COL1A1: variants seen among roughly 807,000 people sequenced by gnomAD.
The protein encoded by COL1A1 is collagen type I alpha 1 chain.
COL1A1 carries 21 observed loss-of-function variants against 195.7 expected under a neutral mutation model. The observed-to-expected ratio is 0.11, with a 90% CI of 0.08 to 0.15. The LOEUF (loss-of-function observed/expected upper bound fraction) is 0.15. Among genes scored for constraint, COL1A1 ranks in the 10% least tolerant of loss-of-function variants. The pLI is 1.00. For synonymous variants in COL1A1, 749 were observed against 747.3 expected (o/e 1.00, Z -0.04); for missense variants, 1,365 against 2,051.0 (o/e 0.67, Z 6.46).
chr17:50,199,348 G>C (rs766753861), intron 4 of COL1A1, 21 bp from the exon 5 acceptor site: 1 of 1,589,342 alleles, frequency 6.3e-7, no homozygotes, highest in Non-Finnish European at 8.6e-7. Context: ...AGAGGGCGGG[G>C]CCGGGGTGAG....
At chr17:50,193,690 C>T (rs1471305779) in intron 25 of COL1A1, 3 of 485,256 alleles carry the variant, frequency 6.2e-6, no homozygotes, top group Non-Finnish European at 1.1e-5. Context: ...ACTATGTTGG[C>T]CCGACTGGTC....
Position 50,197,753 on chromosome 17 carries a change from G to T in COL1A1, c.675C>A (p.Pro225=). The change falls in exon 9 of 51, where the codon CCC becomes CCA. Residue 225 remains proline, a synonymous_variant. Coordinates refer to ENST00000225964, the MANE Select transcript of COL1A1 (RefSeq NM_000088.4). The stretch of plus-strand genomic sequence containing the variant: ...TTACATCATCTCCATTCTTTCCAGG[G>T]GGACCTGGGGGACCTCGGGGACCCA... The part of the protein sequence containing the change: ...GPMGPRGPPG[P]PGKNGDDGEA... 1 of 1,599,484 alleles carries T rather than the reference G, an allele frequency of 6.3e-7. No individual in the cohort carries two copies. Among genetic ancestry groups the T allele is most frequent in the Non-Finnish European group, 8.5e-7 (1 of 1,175,560 alleles).
At chr17:50,196,235 G>A in intron 14 of COL1A1, 36 bp from the exon 15 acceptor site, 1 of 1,613,622 alleles carries the variant, frequency 6.2e-7, no homozygotes, top group Admixed American at 1.7e-5. Context: ...TAAGTCCACT[G>A]AGCACTGGCC....
At position 50,186,017 on chromosome 17, in the gene COL1A1, C is replaced by G; in HGVS notation, c.4009G>C (p.Glu1337Gln). 6.2e-7 allele frequency: 1 copy of G among 1,613,010 alleles called. No individual in the cohort carries two copies. Among genetic ancestry groups the G allele is most frequent in the South Asian group, 1.1e-5 (1 of 91,058 alleles). The part of the protein sequence containing the change: ...GESMTDGFQF[E>Q]YGGQGSDPAD... ...GGGTCGGAGCCCTGGCCGCCATACT[C>G]GAACTGCAGGGGAGGGGAGAGAGGG... Residue 1337 changes from glutamate to glutamine, a missense_variant, in exon 50 of 51, where the codon GAG becomes CAG. Glu to Gln is a conservative substitution (Grantham distance 29, BLOSUM62 2). Coordinates refer to ENST00000225964, the MANE Select transcript of COL1A1 (RefSeq NM_000088.4). The surrounding 1 kb of genome is among the most constrained non-coding windows in gnomAD (Gnocchi z 5.3).
At position 50,188,166 on chromosome 17, in the gene COL1A1, A is replaced by G. The variant is rs1180430572; in HGVS notation, c.3208-17T>C. ...AGCAGGACCCTGGGGAGAGCAAGGAAAGCATGAGCTCTTGGCCAGGGAAGG... is the reference window on the plus strand; with the variant it reads ...AGCAGGACCCTGGGGAGAGCAAGGAGAGCATGAGCTCTTGGCCAGGGAAGG... On this transcript the variant is annotated splice_polypyrimidine_tract_variant and intron_variant, in intron 43 of 50. Transcript: ENST00000225964. This position sits in a 1 kb window ranked among gnomAD's most constrained non-coding sequence, Gnocchi z 5.6. 6.5e-7 allele frequency: 1 copy of G among 1,545,368 alleles called. No homozygotes were observed. Among genetic ancestry groups the G allele is most frequent in the South Asian group, 1.2e-5 (1 of 83,846 alleles).
In COL1A1 at chr17:50,195,616, A is replaced by G; in HGVS notation, c.1106T>C (p.Val369Ala). The G allele has an allele frequency of 6.2e-7, 1 of 1,613,592 alleles. No homozygotes were observed. Among genetic ancestry groups the G allele is most frequent in the Non-Finnish European group, 8.5e-7 (1 of 1,179,838 alleles). The change falls in exon 17 of 51, where the codon GTG becomes GCG. Residue 369 changes from valine (V) to alanine (A), a missense_variant. Val to Ala is a moderately conservative substitution (Grantham distance 64). Transcript: ENST00000225964. This position sits in a 1 kb window ranked among gnomAD's most constrained non-coding sequence, Gnocchi z 4.3. ...GPRGSEGPQG[V>A]RGEPGPPGPA... ...GCCAGGGGGGCCAGGCTCACCACGC[A>G]CACCCTGGGGACCTTCAGAGCCTCG...
Position 50,191,398 on chromosome 17 carries a change from C to G in COL1A1, c.2220G>C (p.Gly740=). 1 of 1,613,986 alleles carries G rather than the reference C, an allele frequency of 6.2e-7. No homozygotes were observed. The highest frequency in any genetic ancestry group is 1.1e-5 in the South Asian group (1 of 91,084). ...PGERGAAGLP[G]PKGDRGDAGP... ...TTGAACTTACTCTGTCACCCTTAGGCCCTGGAAGACCAGCTGCACCACGTT... is the reference window on the plus strand; with the variant it reads ...TTGAACTTACTCTGTCACCCTTAGGGCCTGGAAGACCAGCTGCACCACGTT... Residue 740 remains glycine, a synonymous_variant, in exon 32 of 51, where the codon GGG becomes GGC. Coordinates refer to ENST00000225964, the MANE Select transcript of COL1A1 (RefSeq NM_000088.4).
chr17:50,201,280 G>A, intron 1 of COL1A1, 131 bp downstream of exon 1: 5 of 865,390 alleles, frequency 5.8e-6, no homozygotes, highest in Non-Finnish European at 9.3e-6. Flanking sequence ...CGCCGAGGAA[G>A]AGCCCTCATC....
At chr17:50,192,276 G>T in intron 29 of COL1A1, 199 bp downstream of exon 29, 2 of 736,670 alleles carry the variant, frequency 2.7e-6, no homozygotes, top group Non-Finnish European at 2.3e-6. Flanking sequence ...TATTCCAGCA[G>T]CTCTTAAAAG....
Position 50,184,655 on chromosome 17 carries a change from C to T in COL1A1, c.*847G>A. The T allele has an allele frequency of 4.5e-6, 1 of 220,860 alleles. No homozygotes were observed. The highest frequency in any genetic ancestry group is 2.3e-5 in the African/African-American group (1 of 44,382). 13.7% of individuals were successfully genotyped at this position (220,860 alleles called of 1,614,324 possible). On this transcript the variant is annotated 3_prime_UTR_variant, in exon 51 of 51. Coordinates refer to ENST00000225964, the MANE Select transcript of COL1A1 (RefSeq NM_000088.4). The stretch of plus-strand genomic sequence containing the variant: ...AAAATGGGGAGCCGCTTCCACCCTG[C>T]CCCCATCCCCGCCCCCAGGCAGTTG...
chr17:50,201,525 A>G lies in COL1A1; in HGVS notation c.-12T>C. The G allele has an allele frequency of 1.2e-6, 2 of 1,606,404 alleles. No individual in the cohort carries two copies. The highest frequency in any genetic ancestry group is 1.7e-6 in the Non-Finnish European group (2 of 1,177,456). ...ACAAAGCTGAACATGTCTAGACCCTAGACATGTAGACTCTTTGTGGCTGGG... is the reference window on the plus strand; with the variant it reads ...ACAAAGCTGAACATGTCTAGACCCTGGACATGTAGACTCTTTGTGGCTGGG... On this transcript the variant is annotated 5_prime_UTR_variant, in exon 1 of 51. Coordinates refer to ENST00000225964, the MANE Select transcript of COL1A1 (RefSeq NM_000088.4).
In COL1A1 at chr17:50,195,164, G is replaced by A; in HGVS notation, c.1300-64C>T. 1 of 1,605,858 alleles carries A rather than the reference G, an allele frequency of 6.2e-7. No individual in the cohort carries two copies. Among genetic ancestry groups the A allele is most frequent in the Non-Finnish European group, 8.5e-7 (1 of 1,172,762 alleles). The stretch of plus-strand genomic sequence containing the variant: ...GCGCTCAGTTGGCCTGCGTCTTCCT[G>A]CTCCCCAGATGAGAGCCGCACTGGA... On this transcript the variant is annotated intron_variant, in intron 19 of 50. Coordinates refer to ENST00000225964, the MANE Select transcript of COL1A1 (RefSeq NM_000088.4). This position sits in a 1 kb window ranked among gnomAD's most constrained non-coding sequence, Gnocchi z 4.3.
Position 50,199,798 on chromosome 17 carries a change from C to G in COL1A1, c.253G>C (p.Glu85Gln). 4 of 1,613,848 alleles carry G rather than the reference C, an allele frequency of 2.5e-6. No homozygotes were observed. The highest frequency in any genetic ancestry group is 3.4e-6 in the Non-Finnish European group (4 of 1,179,972). Residue 85 changes from glutamate (E) to glutamine (Q), a missense_variant, in exon 2 of 51, where the codon GAA becomes CAA. Transcript: ENST00000225964. ...GGACAGCACTCGCCCTCGGGGACTT[C>G]GGCGCCGGGGCAGTTCTTGGTCTCG... ...CDETKNCPGAEVPEGECCPVC... is the reference protein window; with the variant it reads ...CDETKNCPGAQVPEGECCPVC...
rs58879635 is a variant in COL1A1 at position 50,184,475 on chromosome 17, CAA to C, written c.*1025_*1026del. 0.17 allele frequency: 19,776 copies of C among 118,478 alleles called. 617 individuals carry two copies. Among genetic ancestry groups the C allele is most frequent in the African/African-American group, 0.21 (4,897 of 23,004 alleles). 7.3% of individuals were successfully genotyped at this position (118,478 alleles called of 1,614,324 possible). A position where few individuals can be genotyped will look rare whatever the true frequency, so the allele number is the denominator to read the frequency against. Reference sequence around the variant, plus strand: ...AGAAAAATTCACAAGTCCCCATCCACAAAAAAAAAAAAAAAAAAAGAAAAATA... The same window carrying C: ...AGAAAAATTCACAAGTCCCCATCCACAAAAAAAAAAAAAAAAAGAAAAATA... On this transcript the variant is annotated 3_prime_UTR_variant, in exon 51 of 51. Coordinates refer to ENST00000225964, the MANE Select transcript of COL1A1 (RefSeq NM_000088.4).
In COL1A1 at chr17:50,190,114, G is replaced by A; in HGVS notation, c.2452-6C>T. The A allele has an allele frequency of 6.2e-7, 1 of 1,612,694 alleles. No individual in the cohort carries two copies. Among genetic ancestry groups the A allele is most frequent in the Non-Finnish European group, 8.5e-7 (1 of 1,178,928 alleles). ...CCAGGTTGGCCGTCAGCACCCTGGG[G>A]GAGGAAGCAGGGCGGTGAATGGAGG... On this transcript the variant is annotated splice_polypyrimidine_tract_variant and splice_region_variant and intron_variant, in intron 35 of 50. Coordinates refer to ENST00000225964, the MANE Select transcript of COL1A1 (RefSeq NM_000088.4). This position sits in a 1 kb window ranked among gnomAD's most constrained non-coding sequence, Gnocchi z 4.7.
At chr17:50,187,737 A>G in intron 45 of COL1A1, 139 bp downstream of exon 45, 2 of 956,840 alleles carry the variant, frequency 2.1e-6, no homozygotes, top group South Asian at 3.1e-5. Flanking sequence ...AGCTACTTGG[A>G]CATGCCCACA....
At chr17:50,196,057 G>A in intron 15 of COL1A1, 81 bp from the exon 16 acceptor site, 1 of 1,605,172 alleles carries the variant, frequency 6.2e-7, no homozygotes, top group South Asian at 1.1e-5. Context: ...AAGTCCTGGG[G>A]TTCAGACCAA....
Position 50,186,644 on chromosome 17 carries a change from C to G in COL1A1, c.3810G>C (p.Lys1270Asn). The change falls in exon 48 of 51, where the codon AAG (lysine) becomes AAC (asparagine). Residue 1270 changes from lysine (K) to asparagine (N), a missense_variant. Physicochemically the swap from Lys to Asn is moderately conservative, Grantham distance 94. Coordinates refer to ENST00000225964, the MANE Select transcript of COL1A1 (RefSeq NM_000088.4). The surrounding 1 kb of genome is among the most constrained non-coding windows in gnomAD (Gnocchi z 5.3). ...RDLKMCHSDW[K>N]SGEYWIDPNQ... ...GAGGCTAGGGCAGGCCCTCACCACT[C>G]TTCCAGTCAGAGTGGCACATCTTGA... 6.2e-7 allele frequency: 1 copy of G among 1,613,580 alleles called. No homozygotes were observed. Among genetic ancestry groups the G allele is most frequent in the Non-Finnish European group, 8.5e-7 (1 of 1,180,010 alleles).
At chr17:50,191,682 C>T (rs1907089386) in intron 31 of COL1A1, 106 bp downstream of exon 31, 1 of 1,328,920 alleles carries the variant, frequency 7.5e-7, no homozygotes, top group Non-Finnish European at 1.1e-6. Flanking sequence ...CCCCACCCCA[C>T]ACCCTATCTC....
Sources: gnomAD v4.1 joint callset for allele counts on GRCh38, gnomAD v4.1.1 for gene constraint, Gnocchi (gnomAD v3.1) non-coding constraint, MANE v1.5 for transcripts, NCBI Gene and HGNC (gene_info 2026-07-23, HGNC 2026-07-21) for gene names.